Variants in TRPM3 observed in about 807,000 individuals in gnomAD.
TRPM3 encodes long transient receptor potential channel 3.
In TRPM3, 77 loss-of-function variants were observed where a neutral mutation model predicts 181.2. The observed-to-expected ratio is 0.42, with a 90% CI of 0.35 to 0.51. The LOEUF (loss-of-function observed/expected upper bound fraction) is 0.51. TRPM3 is among the 20% of genes least tolerant of loss of function. TRPM3 has a pLI of 0.01. For missense variants in TRPM3, 1,759 were observed against 2,196.7 expected, an observed-to-expected ratio of 0.80 and a Z score of 3.98; for synonymous variants, 745 against 796.4, an observed-to-expected ratio of 0.94 and a Z score of 1.09.
In TRPM3 at chr9:71,003,702, T is replaced by C. The variant is rs143283724; in HGVS notation, c.177+117476A>G. Among the ~76,000 whole-genome samples, 10 of 152,322 alleles carry C rather than the reference T, an allele frequency of 6.6e-5. No homozygotes were observed. The East Asian group carries it at 1.9e-3, about 29-fold the overall frequency. On this transcript the variant is annotated intron_variant, in intron 1 of 25. Coordinates refer to ENST00000677713, the MANE Select transcript of TRPM3 (RefSeq NM_001366145.2). ...TTATGAATAAAGTTCGGTATCGTTT[T>C]ATTTTAAATACCATTTGCAGTCGGC...
chr9:70,686,077 A>G (rs188867288), intron 8 of TRPM3, among the ~76,000 whole-genome samples: 12 of 151,272 alleles, frequency 7.9e-5, no homozygotes, highest in Non-Finnish European at 1.3e-4. Context: ...TAATACATAT[A>G]TACATGTATT....
At chr9:71,187,481 T>C (rs1460202267) in intron 1 of TRPM3, among the ~76,000 whole-genome samples, 3 of 151,920 alleles carry the variant, frequency 2.0e-5, no homozygotes, top group Non-Finnish European at 4.4e-5. Context: ...TCTTCGTCTC[T>C]TACCCAGGCA....
At chr9:71,180,320 G>T (rs2077331408) in intron 1 of TRPM3, among the ~76,000 whole-genome samples, 1 of 152,042 alleles carries the variant, frequency 6.6e-6, no homozygotes, top group Non-Finnish European at 1.5e-5. Flanking sequence ...CTCCCAAAGG[G>T]CTGTGATTAC....
intron 20 of TRPM3, among the ~76,000 whole-genome samples, chr9:70,602,107 T>G (rs866976434): frequency 1.4e-4 from 3 of 20,878 alleles, no homozygotes; most frequent in Non-Finnish European, 1.1e-4. Context: ...AAGGCATTCC[T>G]TTTTTTTTTT....
chr9:70,630,358 C>T (rs573594908), intron 12 of TRPM3, among the ~76,000 whole-genome samples: 3 of 152,228 alleles, frequency 2.0e-5, no homozygotes, highest in African/African-American at 7.2e-5. Flanking sequence ...GGCCAAAGAC[C>T]CTGTTCAGAG....
intron 1 of TRPM3, among the ~76,000 whole-genome samples, chr9:71,241,531 G>C (rs931369793): frequency 6.6e-6 from 1 of 151,592 alleles, no homozygotes; most frequent in African/African-American, 2.4e-5. Flanking sequence ...AGCATTAGGA[G>C]ATATACCTAA....
intron 1 of TRPM3, among the ~76,000 whole-genome samples, chr9:71,210,256 C>T (rs752469394): frequency 6.6e-6 from 1 of 152,210 alleles, no homozygotes; most frequent in African/African-American, 2.4e-5. Context: ...TGATCTGTCA[C>T]TGTCTCCCAT....
chr9:71,326,508 C>T (rs1266617424), intron 1 of TRPM3, among the ~76,000 whole-genome samples: 2 of 152,212 alleles, frequency 1.3e-5, no homozygotes, highest in Admixed American at 6.5e-5. Context: ...ACTTACCTGG[C>T]TGAGCATGAG....
At chr9:70,866,639 TC>T (rs2095655429) in intron 1 of TRPM3, among the ~76,000 whole-genome samples, 1 of 152,030 alleles carries the variant, frequency 6.6e-6, no homozygotes, top group Non-Finnish European at 1.5e-5. Context: ...GAAATTGGTC[TC>T]CCTTTGTGTT....
chr9:70,936,354 T>C (rs1010975820), intron 1 of TRPM3, among the ~76,000 whole-genome samples: 19 of 152,240 alleles, frequency 1.2e-4, no homozygotes, highest in African/African-American at 3.9e-4. Flanking sequence ...AGCCATGGAA[T>C]TTTCCTTGAA....
At chr9:71,212,159 C>G (rs554006099) in intron 1 of TRPM3, among the ~76,000 whole-genome samples, 1 of 152,068 alleles carries the variant, frequency 6.6e-6, no homozygotes, top group Non-Finnish European at 1.5e-5. Context: ...CCCTGTTGCT[C>G]AGGCTTGAGT....
intron 1 of TRPM3, among the ~76,000 whole-genome samples, chr9:71,095,438 A>T (rs1441367823): frequency 6.6e-6 from 1 of 152,098 alleles, no homozygotes; most frequent in East Asian, 1.9e-4. Flanking sequence ...CACAAATCTT[A>T]AACAGGTAGA....
intron 1 of TRPM3, among the ~76,000 whole-genome samples, chr9:71,203,737 G>A (rs1391497909): frequency 1.3e-5 from 2 of 152,156 alleles, no homozygotes; most frequent in Admixed American, 6.6e-5. Flanking sequence ...TCTGTACAGT[G>A]CCTGGAACAG....
chr9:71,337,650 C>T (rs1334866201), intron 1 of TRPM3, among the ~76,000 whole-genome samples: 2 of 152,166 alleles, frequency 1.3e-5, no homozygotes, highest in African/African-American at 4.8e-5. Flanking sequence ...TATTGCAGCA[C>T]TGTTCACAAT....
chr9:71,404,310 A>G (rs531568949), intron 1 of TRPM3, among the ~76,000 whole-genome samples: 1 of 152,356 alleles, frequency 6.6e-6, no homozygotes, highest in Admixed American at 6.5e-5. Context: ...TGTTACATTA[A>G]TAGGTTTTCG....
At chr9:71,224,152 G>C (rs2080427588) in intron 1 of TRPM3, among the ~76,000 whole-genome samples, 1 of 152,200 alleles carries the variant, frequency 6.6e-6, no homozygotes, top group African/African-American at 2.4e-5. Context: ...CCACAGGAAT[G>C]CTTGTGTCAC....
In TRPM3 at chr9:70,625,445, CAT is replaced by C. The variant is rs1254842794; in HGVS notation, c.1668+35_1668+36del. 3.8e-6 allele frequency: 6 copies of C among 1,596,534 alleles called. No individual in the cohort carries two copies. The highest frequency in any genetic ancestry group is 2.2e-5 in the East Asian group (1 of 44,782). On this transcript the variant is annotated intron_variant, in intron 13 of 25. Coordinates refer to ENST00000677713, the MANE Select transcript of TRPM3 (RefSeq NM_001366145.2). This position sits in a 1 kb window ranked among gnomAD's most constrained non-coding sequence, Gnocchi z 4.8. Reference sequence around the variant, plus strand: ...AAAAAAAAAATAATGAAAAAAGAAACATATGAATGTATTATTATGCTGGTTAA... The same window carrying C: ...AAAAAAAAAATAATGAAAAAAGAAACATGAATGTATTATTATGCTGGTTAA...
At chr9:71,177,765 C>A (rs1045534479) in intron 1 of TRPM3, among the ~76,000 whole-genome samples, 3 of 152,028 alleles carry the variant, frequency 2.0e-5, no homozygotes, top group African/African-American at 7.2e-5. Context: ...TTTTCCCTAC[C>A]TTTAGGACTA....
At chr9:71,430,684 C>A (rs567343917) in intron 1 of TRPM3, among the ~76,000 whole-genome samples, 2 of 152,034 alleles carry the variant, frequency 1.3e-5, no homozygotes, top group South Asian at 4.2e-4. Flanking sequence ...TGGTGGCGTG[C>A]ACCTGTAATC....
Sources: allele counts gnomAD v4.1 joint callset (sites outside exome capture counted in the v4.1 genomes callset), GRCh38; gene constraint gnomAD v4.1.1; non-coding constraint Gnocchi (gnomAD v3.1); transcripts MANE v1.5; gene names NCBI Gene and HGNC (gene_info 2026-07-23, HGNC 2026-07-21).